The following ME1 variants were observed in gnomAD, a reference collection of about 807,000 sequenced individuals.
ME1 encodes the protein NADP-dependent malic enzyme.
A neutral mutation model predicts 66.4 loss-of-function variants in ME1; 74 were observed. The ratio of observed to expected loss-of-function variants is 1.11; its 90% CI spans 0.92 to 1.35. The LOEUF (loss-of-function observed/expected upper bound fraction) is 1.35. Ranked by LOEUF, ME1 falls within the 40% of genes most tolerant of loss-of-function variation. The pLI is 0.00. For missense variants in ME1, 750 were observed against 694.1 expected (o/e 1.08, Z -0.90); for synonymous variants, 251 against 235.6 (o/e 1.07, Z -0.60).
chr6:83,376,671 C>T (rs1358249781), intron 3 of ME1, among the ~76,000 whole-genome samples: 15 of 150,710 alleles, frequency 1.0e-4, no homozygotes, highest in Non-Finnish European at 1.9e-4. Flanking sequence ...GGTGTGGTGG[C>T]GGACGCCTAT....
chr6:83,417,367 T>G (rs912648647), intron 1 of ME1, among the ~76,000 whole-genome samples: 1 of 136,278 alleles, frequency 7.3e-6, no homozygotes, highest in African/African-American at 2.9e-5. Context: ...TTTTTTGTTG[T>G]TTTTTGTTGT....
At chr6:83,344,808 G>A (rs761757612) in intron 5 of ME1, among the ~76,000 whole-genome samples, 6 of 151,786 alleles carry the variant, frequency 4.0e-5, no homozygotes, top group African/African-American at 1.5e-4. Flanking sequence ...GCTTGAACCC[G>A]GGAGGCGGAG....
chr6:83,412,424 T>C (rs988980007), intron 1 of ME1, among the ~76,000 whole-genome samples: 19 of 152,194 alleles, frequency 1.2e-4, no homozygotes, highest in Non-Finnish European at 7.4e-5. Context: ...ATAATACTTG[T>C]GTGGCACTTC....
intron 6 of ME1, among the ~76,000 whole-genome samples, chr6:83,297,766 T>C (rs531603028): frequency 1.3e-5 from 2 of 152,210 alleles, no homozygotes; most frequent in South Asian, 4.1e-4. Context: ...CAGGCCCCAG[T>C]GTGTGTTCTT....
rs1231000389 is a variant in ME1, at chr6:83,223,899, T to C, written c.1310A>G (p.Asp437Gly). ...CTGTCCATTTGGAAGAGTGACTGGA[T>C]CAAAAGGACTGCCACTGGCAAAAAT... ...RAIFASGSPFDPVTLPNGQTL... is the reference protein window; with the variant it reads ...RAIFASGSPFGPVTLPNGQTL... Residue 437 changes from aspartate to glycine, a missense_variant, in exon 12 of 14, where the codon GAT becomes GGT. Transcript: ENST00000369705. 1.2e-6 allele frequency: 2 copies of C among 1,613,942 alleles called. No homozygotes were observed. The highest frequency in any genetic ancestry group is 1.7e-5 in the Admixed American group (1 of 60,006).
At chr6:83,277,833 T>G (rs910618425) in intron 6 of ME1, among the ~76,000 whole-genome samples, 8 of 151,244 alleles carry the variant, frequency 5.3e-5, no homozygotes, top group African/African-American at 1.9e-4. Flanking sequence ...ACCTGGGAGG[T>G]AGAGGTTGCA....
chr6:83,243,092 AC>A (rs1297950898), intron 7 of ME1, among the ~76,000 whole-genome samples: 1 of 150,810 alleles, frequency 6.6e-6, no homozygotes, highest in Non-Finnish European at 1.5e-5. Flanking sequence ...ACCCATCTCT[AC>A]CCCCCAAAAA....
intron 9 of ME1, among the ~76,000 whole-genome samples, chr6:83,237,159 C>A (rs1790414678): frequency 6.7e-6 from 1 of 149,426 alleles, no homozygotes; most frequent in Admixed American, 6.7e-5. Flanking sequence ...GGCATCACTG[C>A]ACTCCAGCCT....
intron 6 of ME1, among the ~76,000 whole-genome samples, chr6:83,268,042 C>CATG (rs1254438960): frequency 1.3e-5 from 2 of 152,094 alleles, no homozygotes; most frequent in Non-Finnish European, 2.9e-5. Context: ...AAAGAAAATA[C>CATG]ATCTGCTTTT....
intron 13 of ME1, 53 bp downstream of exon 13, chr6:83,216,445 T>C (rs1031084846): frequency 7.6e-5 from 94 of 1,231,298 alleles, no homozygotes; most frequent in Non-Finnish European, 1.0e-4. Context: ...AAAATGCATA[T>C]TTAGCAAGAA....
intron 5 of ME1, among the ~76,000 whole-genome samples, chr6:83,320,879 AACAGCTCCGGTCT>A: frequency 6.6e-6 from 1 of 152,284 alleles, no homozygotes. Flanking sequence ...ACCAAATAGG[AACAGCTCCGGTCT>A]GCAGCTCCCA....
chr6:83,325,619 C>T (rs2128541199), intron 5 of ME1, among the ~76,000 whole-genome samples: 1 of 152,082 alleles, frequency 6.6e-6, no homozygotes, highest in East Asian at 1.9e-4. Flanking sequence ...TTCACAATTG[C>T]TACTAAGAGA....
intron 1 of ME1, among the ~76,000 whole-genome samples, chr6:83,417,370 TTTGTTG>T (rs34696787): frequency 5.3e-5 from 8 of 149,768 alleles, no homozygotes; most frequent in South Asian, 2.1e-4. Flanking sequence ...TTTGTTGTTT[TTTGTTG>T]TTGTTGTTGT....
intron 6 of ME1, among the ~76,000 whole-genome samples, chr6:83,302,660 A>AT (rs1767748982): frequency 6.6e-6 from 1 of 152,208 alleles, no homozygotes; most frequent in Admixed American, 6.5e-5. Flanking sequence ...CAGTCTAGAT[A>AT]TTTAACCTGA....
chr6:83,211,238 G>A lies in ME1; in HGVS notation c.*686C>T, dbSNP rs1197669096. ...CTGAAGGATGGGATGTTTGATCAAG[G>A]GGGAAAAAAGGTGATTTCAGGTGGG... On this transcript the variant is annotated 3_prime_UTR_variant, in exon 14 of 14. Coordinates refer to ENST00000369705, the MANE Select transcript of ME1 (RefSeq NM_002395.6). The A allele has an allele frequency of 1.3e-5, 2 of 152,428 alleles. No homozygotes were observed. Among genetic ancestry groups the A allele is most frequent in the Non-Finnish European group, 2.9e-5 (2 of 68,042 alleles). The allele number at this position is 152,428 out of a possible 1,614,324, so 9.4% of individuals were successfully genotyped here.
intron 12 of ME1, among the ~76,000 whole-genome samples, chr6:83,222,157 C>T (rs993278396): frequency 4.6e-5 from 7 of 152,168 alleles, no homozygotes; most frequent in African/African-American, 1.7e-4. Context: ...TTCTAAAAGA[C>T]AATGATTACA....
At chr6:83,278,217 A>G (rs1211074795) in intron 6 of ME1, among the ~76,000 whole-genome samples, 3 of 152,186 alleles carry the variant, frequency 2.0e-5, no homozygotes, top group Non-Finnish European at 4.4e-5. Flanking sequence ...AAGAGCCAGT[A>G]TCAGCAGCAA....
intron 10 of ME1, among the ~76,000 whole-genome samples, chr6:83,228,273 G>A (rs896445375): frequency 3.3e-5 from 5 of 152,208 alleles, no homozygotes; most frequent in African/African-American, 1.2e-4. Context: ...TTTGTGAGAT[G>A]TGATCCCTGT....
intron 5 of ME1, among the ~76,000 whole-genome samples, chr6:83,333,231 A>T (rs571991315): frequency 6.6e-6 from 1 of 152,330 alleles, no homozygotes; most frequent in Admixed American, 6.5e-5. Context: ...AGCAGTTTCT[A>T]TATTTTTATT....
Sources: allele counts gnomAD v4.1 joint callset (sites outside exome capture counted in the v4.1 genomes callset), GRCh38; gene constraint gnomAD v4.1.1; transcripts MANE v1.5; gene names NCBI Gene and HGNC (gene_info 2026-07-23, HGNC 2026-07-21).